Variants in MYO3B observed in about 807,000 individuals in gnomAD.
MYO3B encodes myosin IIIB, also known as myosin-IIIb.
A neutral mutation model predicts 174.6 loss-of-function variants in MYO3B; 156 were observed. The observed-to-expected ratio is 0.89, with a 90% CI of 0.78 to 1.02. MYO3B has a LOEUF of 1.02. Ranked by LOEUF, MYO3B falls within the 50% of genes least tolerant of loss-of-function variation. The pLI, the probability that MYO3B is intolerant of heterozygous loss-of-function variation, is 0.00. For missense variants in MYO3B, 1,632 were observed against 1,639.4 expected (o/e 1.00, Z 0.08); for synonymous variants, 563 against 569.1 (o/e 0.99, Z 0.15).
At chr2:170,558,460 C>T (rs115057780) in intron 32 of MYO3B, among the ~76,000 whole-genome samples, 158 of 152,230 alleles carry the variant, frequency 1.0e-3, no homozygotes, top group African/African-American at 3.6e-3. Context: ...TTCCTGCATC[C>T]TACAGGTAAC....
At chr2:170,615,563 T>C (rs1336229406) in intron 32 of MYO3B, among the ~76,000 whole-genome samples, 1 of 152,234 alleles carries the variant, frequency 6.6e-6, no homozygotes, top group Non-Finnish European at 1.5e-5. Context: ...TCATTATCTA[T>C]TGCTTCTTAC....
chr2:170,450,399 A>G (rs534638035), intron 23 of MYO3B, among the ~76,000 whole-genome samples: 1 of 152,340 alleles, frequency 6.6e-6, no homozygotes, highest in South Asian at 2.1e-4. Flanking sequence ...ATCACTAAAT[A>G]GAATCCCAGG....
At chr2:170,315,317 CT>C (rs11322354) in intron 7 of MYO3B, among the ~76,000 whole-genome samples, 132,668 of 143,896 alleles carry the variant, frequency 0.92, 61,721 homozygotes, top group Non-Finnish European at 0.99. Flanking sequence ...ACTTATAATT[CT>C]TTTTTTTTTT....
At chr2:170,573,066 A>C (rs1024691140) in intron 32 of MYO3B, among the ~76,000 whole-genome samples, 10 of 151,864 alleles carry the variant, frequency 6.6e-5, no homozygotes, top group Non-Finnish European at 1.2e-4. Context: ...TACAGTATAA[A>C]TCTGTAAGGC....
chr2:170,521,030 C>G (rs1227828984), intron 30 of MYO3B, among the ~76,000 whole-genome samples: 1 of 152,156 alleles, frequency 6.6e-6, no homozygotes, highest in African/African-American at 2.4e-5. Context: ...AAGAAAGAAG[C>G]AGGTCATTAG....
At chr2:170,182,992 C>T (rs1359309917) in intron 1 of MYO3B, among the ~76,000 whole-genome samples, 1 of 151,758 alleles carries the variant, frequency 6.6e-6, no homozygotes, top group Non-Finnish European at 1.5e-5. Flanking sequence ...CGCTGTGGCT[C>T]ATGCCTGTAA....
At position 170,295,828 on chromosome 2, in the gene MYO3B, G is replaced by T. The variant is rs983979551; in HGVS notation, c.750-39557G>T. Among the ~76,000 whole-genome samples the T allele has an allele frequency of 1.2e-4, 19 of 152,038 alleles. 1 individual carries two copies. The highest frequency in any genetic ancestry group is 3.9e-4 in the African/African-American group (16 of 41,378). On this transcript the variant is annotated intron_variant, in intron 7 of 34. Coordinates refer to ENST00000408978, the MANE Select transcript of MYO3B (RefSeq NM_138995.5). ...TACTGTTGGAAAATAACTTAGCTGGGTATAGAATTCCATGTTGAGAATTAT... is the reference window on the plus strand; with the variant it reads ...TACTGTTGGAAAATAACTTAGCTGGTTATAGAATTCCATGTTGAGAATTAT...
At chr2:170,397,798 C>A (rs1389898061) in intron 16 of MYO3B, among the ~76,000 whole-genome samples, 1 of 152,194 alleles carries the variant, frequency 6.6e-6, no homozygotes. Context: ...ATACTTCTGT[C>A]TCCTATACTT....
chr2:170,287,431 A>C (rs1413104884), intron 7 of MYO3B, among the ~76,000 whole-genome samples: 1 of 151,378 alleles, frequency 6.6e-6, no homozygotes, highest in Admixed American at 6.6e-5. Flanking sequence ...ATTTTAACTG[A>C]GATGAGGTGA....
At chr2:170,576,604 T>G (rs1692801046) in intron 32 of MYO3B, among the ~76,000 whole-genome samples, 3 of 152,216 alleles carry the variant, frequency 2.0e-5, no homozygotes, top group Admixed American at 2.0e-4. Flanking sequence ...AGTGATATTA[T>G]TAGGACGAGA....
chr2:170,411,307 T>C (rs1487033099), intron 22 of MYO3B, among the ~76,000 whole-genome samples: 2 of 152,216 alleles, frequency 1.3e-5, no homozygotes, highest in Non-Finnish European at 2.9e-5. Context: ...ATTTCATCGT[T>C]GTACAAACAT....
rs149296390 is a variant in MYO3B, at chr2:170,619,421, G to A, written c.3734-32207G>A. Reference sequence around the variant, plus strand: ...TCAGGAGCATTTCATCTTTTATTCCGTAGCAATAGTTTCAGGGGGTCTCCC... The same window carrying A: ...TCAGGAGCATTTCATCTTTTATTCCATAGCAATAGTTTCAGGGGGTCTCCC... On this transcript the variant is annotated intron_variant, in intron 32 of 34. Transcript: ENST00000408978. Among the ~76,000 whole-genome samples the A allele has an allele frequency of 1.1e-3, 169 of 152,210 alleles. 1 individual carries two copies. In the Middle Eastern group the frequency reaches 0.017, roughly 15 times the overall value.
intron 23 of MYO3B, among the ~76,000 whole-genome samples, chr2:170,455,458 G>T (rs1683853131): frequency 6.6e-6 from 1 of 152,164 alleles, no homozygotes; most frequent in African/African-American, 2.4e-5. Flanking sequence ...TCAGATATAG[G>T]CATGGCCATC....
intron 32 of MYO3B, among the ~76,000 whole-genome samples, chr2:170,588,468 T>A (rs944142029): frequency 6.6e-6 from 1 of 152,242 alleles, no homozygotes; most frequent in African/African-American, 2.4e-5. Flanking sequence ...ACAGTGCCAG[T>A]GTACTACAGG....
intron 1 of MYO3B, among the ~76,000 whole-genome samples, chr2:170,186,443 G>A (rs11695093): frequency 0.34 from 51,127 of 152,068 alleles, 8,818 homozygotes; most frequent in Non-Finnish European, 0.39. Context: ...TGCATATGTT[G>A]AACCATACTT....
intron 25 of MYO3B, among the ~76,000 whole-genome samples, chr2:170,495,847 G>A (rs1353930335): frequency 6.6e-6 from 1 of 152,192 alleles, no homozygotes; most frequent in Non-Finnish European, 1.5e-5. Context: ...CAATAGATTT[G>A]CCAGCCATTC....
intron 32 of MYO3B, among the ~76,000 whole-genome samples, chr2:170,649,362 T>TTA (rs1337029591): frequency 4.1e-5 from 2 of 48,924 alleles, no homozygotes; most frequent in East Asian, 1.3e-3. Flanking sequence ...ATATAATATA[T>TTA]TATATAAAAA....
At chr2:170,613,839 G>A (rs114020694) in intron 32 of MYO3B, among the ~76,000 whole-genome samples, 2,048 of 152,226 alleles carry the variant, frequency 0.013, 19 homozygotes, top group Middle Eastern at 0.02. Flanking sequence ...GTCCTCGAAC[G>A]TGGGACTCCA....
rs375433750 is a variant in MYO3B at position 170,543,970 on chromosome 2, G to A, written c.3715G>A (p.Gly1239Arg). ...APDQQGLSLW[G>R]APQKPGSENG... ...AGATCAGCAAGGATTGAGTCTCTGGGGAGCCCCTCAAAAGCCTGGTAAGAA... is the reference window on the plus strand; with the variant it reads ...AGATCAGCAAGGATTGAGTCTCTGGAGAGCCCCTCAAAAGCCTGGTAAGAA... The change falls in exon 32 of 35, where the codon GGA becomes AGA. Residue 1239 changes from glycine to arginine, a missense_variant. Transcript: ENST00000408978. The A allele has an allele frequency of 1.2e-6, 2 of 1,612,614 alleles. No individual in the cohort carries two copies. The highest frequency in any genetic ancestry group is 8.5e-7 in the Non-Finnish European group (1 of 1,179,054).
Sources: allele counts gnomAD v4.1 joint callset (sites outside exome capture counted in the v4.1 genomes callset), GRCh38; gene constraint gnomAD v4.1.1; transcripts MANE v1.5; gene names NCBI Gene and HGNC (gene_info 2026-07-23, HGNC 2026-07-21).